VASP: variants seen among roughly 807,000 people sequenced by gnomAD.
The protein encoded by VASP is vasodilator stimulated phosphoprotein.
In VASP, 27 loss-of-function variants were observed where a neutral mutation model predicts 54.4. The ratio of observed to expected loss-of-function variants is 0.50; its 90% CI spans 0.37 to 0.68. VASP has a LOEUF of 0.68. VASP is among the 30% of genes least tolerant of loss of function. The pLI is 0.00. For synonymous variants in VASP, 233 were observed against 209.8 expected (o/e 1.11, Z -0.96); for missense variants, 488 against 528.3 (o/e 0.92, Z 0.75).
chr19:45,507,729 G>T lies in VASP; in HGVS notation c.-43G>T, dbSNP rs945949215. On this transcript the variant is annotated 5_prime_UTR_variant, in exon 1 of 13. Transcript: ENST00000245932. This position sits in a 1 kb window ranked among gnomAD's most constrained non-coding sequence, Gnocchi z 4.4. ...GAACCTCCAGCCAGGGGCGCCCCGG[G>T]AGCAGCCAGCCCGTGGGCGAGCCGC... is the stretch of plus-strand genomic sequence containing the variant. 1.3e-6 allele frequency: 2 copies of T among 1,513,650 alleles called. No individual in the cohort carries two copies. The highest frequency in any genetic ancestry group is 1.8e-6 in the Non-Finnish European group (2 of 1,137,958). 93.8% of individuals were successfully genotyped at this position (1,513,650 alleles called of 1,614,324 possible). A position where few individuals can be genotyped will look rare whatever the true frequency, so the allele number is the denominator to read the frequency against.
At chr19:45,523,912 CA>C (rs1968901318) in intron 9 of VASP, 35 bp downstream of exon 9, 3 of 1,613,458 alleles carry the variant, frequency 1.9e-6, no homozygotes, top group Non-Finnish European at 2.5e-6. Flanking sequence ...ACAGGAACTA[CA>C]AATCCCAGAA....
chr19:45,517,847 G>T lies in VASP; in HGVS notation c.177+13G>T, dbSNP rs756018979. On this transcript the variant is annotated intron_variant, in intron 2 of 12. Coordinates refer to ENST00000245932, the MANE Select transcript of VASP (RefSeq NM_003370.4). ...GCCCGACCAGCAGGTGCAGCTTCCC[G>T]CCGGCCCCCTCTGTGGGCTGAACCC... The T allele has an allele frequency of 1.9e-6, 3 of 1,611,342 alleles. No individual in the cohort carries two copies. Among genetic ancestry groups the T allele is most frequent in the East Asian group, 4.5e-5 (2 of 44,838 alleles).
At chr19:45,521,136 A>G (rs1968821940) in intron 3 of VASP, among the ~76,000 whole-genome samples, 186 bp from the exon 4 acceptor site, 1 of 152,240 alleles carries the variant, frequency 6.6e-6, no homozygotes, top group African/African-American at 2.4e-5. Context: ...AACTCAGGCC[A>G]GGGAAGTTGG....
intron 3 of VASP, among the ~76,000 whole-genome samples, chr19:45,519,723 G>A (rs1408812441): frequency 8.0e-5 from 12 of 150,818 alleles, no homozygotes; most frequent in Non-Finnish European, 3.0e-5. Context: ...AGCCTCCCGA[G>A]TAGCTGGGAC....
intron 3 of VASP, among the ~76,000 whole-genome samples, chr19:45,519,747 C>T (rs540654184): frequency 7.0e-6 from 1 of 142,180 alleles, no homozygotes; most frequent in African/African-American, 3.1e-5. Flanking sequence ...AGGCACCCGC[C>T]ACCACATCCA....
chr19:45,525,325 A>T (rs1376591468), intron 11 of VASP, among the ~76,000 whole-genome samples: 1 of 152,118 alleles, frequency 6.6e-6, no homozygotes, highest in Non-Finnish European at 1.5e-5. Context: ...GCACTTTGGG[A>T]GGCCGAGGTG....
intron 1 of VASP, among the ~76,000 whole-genome samples, chr19:45,512,311 T>TG (rs1206652938): frequency 6.6e-6 from 1 of 151,320 alleles, no homozygotes; most frequent in Non-Finnish European, 1.5e-5. Context: ...TTTTTTGAGA[T>TG]GGAGTCTTGC....
At chr19:45,525,734 CG>C in intron 11 of VASP, 1 of 485,090 alleles carries the variant, frequency 2.1e-6, no homozygotes, top group East Asian at 3.6e-5. Context: ...CTGATTGTGG[CG>C]GCAGGTGACT....
intron 3 of VASP, among the ~76,000 whole-genome samples, chr19:45,519,916 TTTTTTTA>T: frequency 2.5e-5 from 3 of 121,204 alleles, no homozygotes; most frequent in Non-Finnish European, 3.4e-5. Context: ...TTTTTTTTTT[TTTTTTTA>T]ATATGGAGTC....
At chr19:45,515,350 A>G (rs1176721125) in intron 1 of VASP, among the ~76,000 whole-genome samples, 11 of 152,112 alleles carry the variant, frequency 7.2e-5, no homozygotes, top group Admixed American at 6.6e-4. Flanking sequence ...TGGGCAAGTC[A>G]CTTCCTGTTT....
chr19:45,520,979 T>C (rs1968818459), intron 3 of VASP, among the ~76,000 whole-genome samples: 1 of 152,036 alleles, frequency 6.6e-6, no homozygotes, highest in Non-Finnish European at 1.5e-5. Context: ...AAACCAACAG[T>C]GGTTAAGAGC....
At chr19:45,525,787 T>C in intron 11 of VASP, 159 bp from the exon 12 acceptor site, 1 of 652,074 alleles carries the variant, frequency 1.5e-6, no homozygotes, top group East Asian at 3.0e-5. Flanking sequence ...GAGGATTACC[T>C]GAGCCTGGGA....
At chr19:45,508,083 C>T (rs950163593) in intron 1 of VASP, among the ~76,000 whole-genome samples, 2 of 151,872 alleles carry the variant, frequency 1.3e-5, no homozygotes, top group African/African-American at 4.8e-5. Flanking sequence ...AGCGACTCCC[C>T]GCAGGGATGC....
chr19:45,519,459 A>AT (rs1968777775), intron 3 of VASP, among the ~76,000 whole-genome samples: 3 of 143,414 alleles, frequency 2.1e-5, no homozygotes, highest in Non-Finnish European at 3.0e-5. Flanking sequence ...GATCATTTCA[A>AT]ATTTTTTTTT....
At chr19:45,523,241 C>T (rs1968884965) in intron 7 of VASP, among the ~76,000 whole-genome samples, 1 of 109,394 alleles carries the variant, frequency 9.1e-6, no homozygotes, top group African/African-American at 3.6e-5. Flanking sequence ...CTTGCTCTGT[C>T]ACCCAGGCTG....
chr19:45,513,905 C>CGAAA (rs1968650592), intron 1 of VASP, among the ~76,000 whole-genome samples: 1 of 152,182 alleles, frequency 6.6e-6, no homozygotes, highest in African/African-American at 2.4e-5. Flanking sequence ...ACTATTGAGT[C>CGAAA]CCTACTATGT....
At chr19:45,512,558 G>A (rs991784600) in intron 1 of VASP, among the ~76,000 whole-genome samples, 1 of 151,218 alleles carries the variant, frequency 6.6e-6, no homozygotes, top group Non-Finnish European at 1.5e-5. Flanking sequence ...AAAGTGCTGG[G>A]ATTACAGGCT....
intron 1 of VASP, among the ~76,000 whole-genome samples, chr19:45,512,686 G>A (rs1968624136): frequency 6.6e-6 from 1 of 151,650 alleles, no homozygotes; most frequent in African/African-American, 2.4e-5. Context: ...TGCAACCTCC[G>A]CCTCCTGGGT....
At chr19:45,524,895 T>C (rs902645191) in intron 11 of VASP, 6 of 424,576 alleles carry the variant, frequency 1.4e-5, no homozygotes, top group Non-Finnish European at 2.7e-5. Flanking sequence ...CCTTGAATTC[T>C]TTCCGCACAT....
Sources: allele counts gnomAD v4.1 joint callset (sites outside exome capture counted in the v4.1 genomes callset), GRCh38; gene constraint gnomAD v4.1.1; non-coding constraint Gnocchi (gnomAD v3.1); transcripts MANE v1.5; gene names NCBI Gene and HGNC (gene_info 2026-07-23, HGNC 2026-07-21).